GALNT13: variants seen among roughly 807,000 people sequenced by gnomAD.
The protein encoded by GALNT13 is UDP-GalNAc:polypeptide N-acetylgalactosaminyltransferase 13.
In GALNT13, 28 loss-of-function variants were observed where a neutral mutation model predicts 64.2. The ratio of observed to expected loss-of-function variants is 0.44; its 90% confidence interval spans 0.32 to 0.60. GALNT13 has a LOEUF of 0.60. GALNT13 is among the 20% of genes least tolerant of loss of function. The pLI, the probability that GALNT13 is intolerant of heterozygous loss-of-function variation, is 0.05. For missense variants in GALNT13, 577 were observed against 669.8 expected, an observed-to-expected ratio of 0.86 and a Z score of 1.53; for synonymous variants, 214 against 224.6, an observed-to-expected ratio of 0.95 and a Z score of 0.42.
the GALNT13 span, among the ~76,000 whole-genome samples, chr2:153,393,559 A>C: frequency 1.3e-5 from 2 of 152,076 alleles, no homozygotes; most frequent in African/African-American, 2.4e-5. Context: ...GACAAAACAA[A>C]TTTATTACAT....
chr2:153,546,360 T>C, the GALNT13 span, among the ~76,000 whole-genome samples: 12 of 152,324 alleles, frequency 7.9e-5, no homozygotes, highest in South Asian at 2.5e-3. Flanking sequence ...ATCCCCTGGA[T>C]TCTGAAAAAA....
rs1042742235 is a variant in GALNT13 at position 153,995,187 on chromosome 2, C to T, written c.142+50548C>T. ...TTGCATATCTATATTAAATACTTTC[C>T]GTGTTTTCAGCTTTTTTGTATTTAA... On this transcript the variant is annotated intron_variant, in intron 3 of 12. Transcript: ENST00000392825. Among the ~76,000 whole-genome samples, 6 of 151,856 alleles carry T rather than the reference C, an allele frequency of 4.0e-5. 1 individual carries two copies. The highest frequency in any genetic ancestry group is 3.9e-4 in the Admixed American group (6 of 15,224).
chr2:153,958,281 G>A (rs1558874678), intron 3 of GALNT13, among the ~76,000 whole-genome samples: 1 of 152,118 alleles, frequency 6.6e-6, no homozygotes, highest in Non-Finnish European at 1.5e-5. Flanking sequence ...GGCCTCCAAG[G>A]GGAAGCAGCT....
At chr2:154,347,928 G>C (rs1282730708) in intron 9 of GALNT13, among the ~76,000 whole-genome samples, 1 of 152,148 alleles carries the variant, frequency 6.6e-6, no homozygotes, top group Non-Finnish European at 1.5e-5. Flanking sequence ...TCCCTGGACT[G>C]TGATATTTGG....
the GALNT13 span, among the ~76,000 whole-genome samples, chr2:153,274,152 G>A: frequency 6.6e-6 from 1 of 152,214 alleles, no homozygotes; most frequent in East Asian, 1.9e-4. Context: ...GCAGTGAGCC[G>A]AGATGGTGCC....
Position 154,230,393 on chromosome 2 carries a change from T to G in GALNT13, c.312-11637T>G, listed in dbSNP as rs113906688. 6.8e-3 allele frequency among the ~76,000 whole-genome samples: 1,029 copies of G among 152,170 alleles called. 10 individuals carry two copies. The highest frequency in any genetic ancestry group is 0.024 in the African/African-American group (995 of 41,538). On this transcript the variant is annotated intron_variant, in intron 4 of 12. Coordinates refer to ENST00000392825, the MANE Select transcript of GALNT13 (RefSeq NM_052917.4). ...AGCATGAAAGAATTATATTCAGAGG[T>G]TACATAAAGGGAACAATTCCAAAAA...
chr2:153,830,692 A>G, the GALNT13 span, among the ~76,000 whole-genome samples: 148 of 152,226 alleles, frequency 9.7e-4, no homozygotes, highest in African/African-American at 3.4e-3. Flanking sequence ...ATTCATTTAT[A>G]ATTGTTTTGG....
the GALNT13 span, among the ~76,000 whole-genome samples, chr2:153,248,876 C>G: frequency 4.4e-5 from 6 of 137,850 alleles, no homozygotes; most frequent in South Asian, 2.3e-4. Flanking sequence ...ATTGAAGGAA[C>G]ATACCTCAAA....
chr2:153,255,485 G>A, the GALNT13 span, among the ~76,000 whole-genome samples: 1 of 148,306 alleles, frequency 6.7e-6, no homozygotes, highest in Non-Finnish European at 1.5e-5. Flanking sequence ...AGTTAATATT[G>A]TTATGTGTGA....
the GALNT13 span, among the ~76,000 whole-genome samples, chr2:153,304,108 A>G: frequency 1.6e-5 from 2 of 126,198 alleles, no homozygotes; most frequent in Non-Finnish European, 3.5e-5. Context: ...AGACTGGACC[A>G]TTACTCATTA....
At chr2:153,169,746 G>T in the GALNT13 span, among the ~76,000 whole-genome samples, 1 of 152,152 alleles carries the variant, frequency 6.6e-6, no homozygotes, top group African/African-American at 2.4e-5. Flanking sequence ...GTTGAAACCT[G>T]CAGTGCATTA....
chr2:153,764,396 CATGTTGGCACATGCCTG>C, the GALNT13 span, among the ~76,000 whole-genome samples: 1 of 152,108 alleles, frequency 6.6e-6, no homozygotes, highest in Non-Finnish European at 1.5e-5. Context: ...ATTAGCCAGG[CATGTTGGCACATGCCTG>C]TAATCCAAAC....
the GALNT13 span, among the ~76,000 whole-genome samples, chr2:153,656,730 A>T: frequency 6.6e-6 from 1 of 152,102 alleles, no homozygotes; most frequent in Admixed American, 6.6e-5. Context: ...TTCTATCATG[A>T]TGGAGAGTGT....
chr2:153,082,571 GTTTATATATA>G, the GALNT13 span, among the ~76,000 whole-genome samples: 1 of 50,170 alleles, frequency 2.0e-5, no homozygotes, highest in African/African-American at 9.0e-5. Context: ...ATTTAGGCTG[GTTTATATATA>G]TATATATATA....
chr2:153,778,220 C>T, the GALNT13 span, among the ~76,000 whole-genome samples: 1 of 152,162 alleles, frequency 6.6e-6, no homozygotes, highest in African/African-American at 2.4e-5. Context: ...GTGCTCCTCT[C>T]GACATCCAGC....
At chr2:153,684,332 T>G in the GALNT13 span, among the ~76,000 whole-genome samples, 1 of 151,860 alleles carries the variant, frequency 6.6e-6, no homozygotes, top group Middle Eastern at 3.4e-3. Context: ...TTTTGCCTCC[T>G]CTAACTGTCA....
chr2:154,421,957 A>G (rs563322074), intron 11 of GALNT13, among the ~76,000 whole-genome samples: 143 of 152,234 alleles, frequency 9.4e-4, no homozygotes, highest in African/African-American at 3.3e-3. Flanking sequence ...CATTCAGGAA[A>G]AGTTCTGATA....
chr2:154,059,617 A>G (rs1319136596), intron 3 of GALNT13, among the ~76,000 whole-genome samples: 1 of 152,238 alleles, frequency 6.6e-6, no homozygotes, highest in Non-Finnish European at 1.5e-5. Flanking sequence ...TTTCATCTGC[A>G]AAACAGCCCA....
intron 4 of GALNT13, among the ~76,000 whole-genome samples, chr2:154,213,014 T>G (rs757456647): frequency 6.6e-6 from 1 of 152,148 alleles, no homozygotes; most frequent in Non-Finnish European, 1.5e-5. Context: ...GAAGATCACT[T>G]TTAGAATTTG....
Sources: gnomAD v4.1 joint callset for allele counts (sites outside exome capture counted in the v4.1 genomes callset) on GRCh38, gnomAD v4.1.1 for gene constraint, MANE v1.5 for transcripts, NCBI Gene and HGNC (gene_info 2026-07-23, HGNC 2026-07-21) for gene names.